The following EIF4G3 variants were observed in gnomAD, a reference collection of about 807,000 sequenced individuals.
EIF4G3 encodes the protein eukaryotic translation initiation factor 4 gamma 3.
A neutral mutation model predicts 186.4 loss-of-function variants in EIF4G3; 34 were observed. The observed-to-expected ratio is 0.18, with a 90% CI of 0.14 to 0.24. The LOEUF is 0.24. EIF4G3 is among the 10% of genes least tolerant of loss of function. The pLI, the probability that EIF4G3 is intolerant of heterozygous loss-of-function variation, is 1.00. For missense variants in EIF4G3, 1,536 were observed against 1,948.5 expected (o/e 0.79, Z 3.99); for synonymous variants, 673 against 679.5 (o/e 0.99, Z 0.15).
intron 2 of EIF4G3, among the ~76,000 whole-genome samples, chr1:21,151,137 T>C (rs188733333): frequency 7.2e-5 from 11 of 152,108 alleles, no homozygotes; most frequent in African/African-American, 2.2e-4. Context: ...AATTTGAATA[T>C]ACATGCTACT....
intron 14 of EIF4G3, among the ~76,000 whole-genome samples, chr1:20,930,673 A>G (rs922258210): frequency 1.3e-5 from 2 of 152,132 alleles, no homozygotes; most frequent in African/African-American, 4.8e-5. Flanking sequence ...TGCTGAGATT[A>G]TAGGCACATG....
At chr1:20,882,804 A>AG (rs2082830004) in intron 19 of EIF4G3, among the ~76,000 whole-genome samples, 1 of 151,978 alleles carries the variant, frequency 6.6e-6, no homozygotes, top group Admixed American at 6.6e-5. Flanking sequence ...TTCAAAAAAA[A>AG]AAAGCCTGGG....
At chr1:20,808,061 T>A (rs770058347) in intron 36 of EIF4G3, among the ~76,000 whole-genome samples, 2 of 151,976 alleles carry the variant, frequency 1.3e-5, no homozygotes, top group Non-Finnish European at 2.9e-5. Flanking sequence ...TTTTTGTATT[T>A]TAAGTAGAGA....
chr1:20,921,977 T>C (rs1245692259), intron 14 of EIF4G3, among the ~76,000 whole-genome samples: 1 of 152,216 alleles, frequency 6.6e-6, no homozygotes, highest in East Asian at 1.9e-4. Flanking sequence ...AATGACAAAA[T>C]TATCACAAAT....
At chr1:20,837,195 T>C (rs1390870206) in intron 30 of EIF4G3, among the ~76,000 whole-genome samples, 1 of 152,120 alleles carries the variant, frequency 6.6e-6, no homozygotes, top group Non-Finnish European at 1.5e-5. Flanking sequence ...GGGACCAGTA[T>C]ACCTGGAGGC....
chr1:21,130,538 A>G (rs151067712), intron 2 of EIF4G3, among the ~76,000 whole-genome samples: 1 of 151,954 alleles, frequency 6.6e-6, no homozygotes, highest in Non-Finnish European at 1.5e-5. Context: ...TAAGCACCCA[A>G]TATCTCACGG....
intron 4 of EIF4G3, among the ~76,000 whole-genome samples, chr1:21,043,115 G>A (rs981767431): frequency 2.0e-5 from 3 of 152,026 alleles, no homozygotes; most frequent in Admixed American, 6.6e-5. Context: ...ACAGATGAGA[G>A]GTAGCCAGAG....
At chr1:20,828,603 A>G (rs2064263853) in intron 31 of EIF4G3, among the ~76,000 whole-genome samples, 1 of 152,226 alleles carries the variant, frequency 6.6e-6, no homozygotes, top group Non-Finnish European at 1.5e-5. Flanking sequence ...AAGTTTGACT[A>G]TATAAACAAC....
intron 14 of EIF4G3, among the ~76,000 whole-genome samples, chr1:20,923,639 G>GAA (rs200341429): frequency 2.0e-5 from 3 of 148,284 alleles, no homozygotes; most frequent in Non-Finnish European, 1.5e-5. Flanking sequence ...ACTCTAGATG[G>GAA]AAAAAAAAAA....
chr1:21,018,017 C>G (rs570506959), intron 4 of EIF4G3, among the ~76,000 whole-genome samples: 14 of 152,100 alleles, frequency 9.2e-5, no homozygotes, highest in African/African-American at 3.4e-4. Context: ...TAGCTCACCA[C>G]AGCCTTGATC....
chr1:21,101,565 A>AAAAAAAAAAAAAAAC (rs1168660715), intron 2 of EIF4G3, among the ~76,000 whole-genome samples: 2 of 141,766 alleles, frequency 1.4e-5, no homozygotes, highest in Non-Finnish European at 3.1e-5. Flanking sequence ...GTCTCAGGAA[A>AAAAAAAAAAAAAAAC]AAAAAAAAAA....
chr1:20,980,802 A>G (rs1265020273), intron 9 of EIF4G3, among the ~76,000 whole-genome samples: 1 of 152,216 alleles, frequency 6.6e-6, no homozygotes, highest in Admixed American at 6.5e-5. Context: ...GTTGTGGCAA[A>G]GGGATGGGAG....
intron 2 of EIF4G3, among the ~76,000 whole-genome samples, chr1:21,122,309 G>A (rs1572883279): frequency 6.6e-6 from 1 of 151,964 alleles, no homozygotes; most frequent in South Asian, 2.1e-4. Flanking sequence ...TCCTTTATAC[G>A]AAAAGAATAA....
chr1:20,995,104 T>C (rs938315060), intron 7 of EIF4G3, among the ~76,000 whole-genome samples: 11 of 152,298 alleles, frequency 7.2e-5, no homozygotes, highest in African/African-American at 2.2e-4. Context: ...TCCCCGATTG[T>C]TGGAATTAAA....
chr1:20,817,626 G>A (rs920776004), intron 33 of EIF4G3, 88 bp from the exon 34 acceptor site: 87 of 749,724 alleles, frequency 1.2e-4, no homozygotes, highest in Non-Finnish European at 1.5e-4. Flanking sequence ...CATAGGTTAC[G>A]TCTTCTATTT....
intron 2 of EIF4G3, chr1:21,175,494 CGGT>C (rs1337890400): frequency 6.6e-6 from 1 of 152,178 alleles, no homozygotes; most frequent in East Asian, 1.9e-4. Context: ...TGGGTAATGT[CGGT>C]GAACTTCCTC....
At chr1:21,021,659 G>A (rs1230984971) in intron 4 of EIF4G3, among the ~76,000 whole-genome samples, 1 of 152,040 alleles carries the variant, frequency 6.6e-6, no homozygotes, top group South Asian at 2.1e-4. Context: ...GGGTTCAAGC[G>A]ATTCTCCTAC....
chr1:21,014,415 C>T (rs1176970602), intron 4 of EIF4G3, among the ~76,000 whole-genome samples: 2 of 152,040 alleles, frequency 1.3e-5, no homozygotes, highest in Non-Finnish European at 2.9e-5. Flanking sequence ...GATATTTTGT[C>T]ACTTGGGTAA....
At chr1:21,128,405 G>A (rs1558092726) in intron 2 of EIF4G3, among the ~76,000 whole-genome samples, 1 of 151,622 alleles carries the variant, frequency 6.6e-6, no homozygotes, top group Non-Finnish European at 1.5e-5. Flanking sequence ...AGCTACACAG[G>A]AGGCTGAGGC....
Sources: gnomAD v4.1 joint callset for allele counts (sites outside exome capture counted in the v4.1 genomes callset) on GRCh38, gnomAD v4.1.1 for gene constraint, MANE v1.5 for transcripts, NCBI Gene and HGNC (gene_info 2026-07-23, HGNC 2026-07-21) for gene names.